GABRB1: variants seen among roughly 807,000 people sequenced by gnomAD.
GABRB1 encodes the protein gamma-aminobutyric acid receptor subunit beta-1.
Under a neutral mutation model 51.6 loss-of-function variants are expected in GABRB1, and 17 were observed. That is an observed-to-expected ratio of 0.33 (90% CI 0.23 to 0.49). The LOEUF (loss-of-function observed/expected upper bound fraction) is 0.49, where lower values mean the gene tolerates loss of function less well. Ranked by LOEUF, GABRB1 falls within the 20% of genes least tolerant of loss-of-function variation. GABRB1 has a pLI of 0.99. For synonymous variants in GABRB1, 247 were observed against 218.9 expected, an observed-to-expected ratio of 1.13 and a Z score of -1.14; for missense variants, 410 against 600.6, an observed-to-expected ratio of 0.68 and a Z score of 3.32.
chr4:47,066,267 C>T (rs1727078058), intron 3 of GABRB1, among the ~76,000 whole-genome samples: 1 of 152,166 alleles, frequency 6.6e-6, no homozygotes, highest in South Asian at 2.1e-4. Context: ...CTAAAATATG[C>T]TAATGATCAT....
At chr4:47,298,690 T>C (rs187271632) in intron 4 of GABRB1, among the ~76,000 whole-genome samples, 16 of 152,272 alleles carry the variant, frequency 1.1e-4, no homozygotes, top group African/African-American at 3.6e-4. Context: ...TTCAATGCCA[T>C]CCCCATTAAG....
intron 3 of GABRB1, among the ~76,000 whole-genome samples, chr4:47,091,047 C>T (rs982298045): frequency 6.7e-6 from 1 of 150,098 alleles, no homozygotes; most frequent in Non-Finnish European, 1.5e-5. Flanking sequence ...CCCCATCCCA[C>T]CCCTTCCCCC....
intron 4 of GABRB1, among the ~76,000 whole-genome samples, chr4:47,313,119 C>A (rs1340255003): frequency 6.6e-6 from 1 of 152,148 alleles, no homozygotes; most frequent in East Asian, 1.9e-4. Context: ...TCTGACCTAA[C>A]TTTCAAAATG....
At chr4:47,361,534 G>A (rs1726805644) in intron 5 of GABRB1, among the ~76,000 whole-genome samples, 2 of 152,110 alleles carry the variant, frequency 1.3e-5, no homozygotes, top group Admixed American at 6.6e-5. Flanking sequence ...GTGAACAGAT[G>A]TGTACTTTGA....
chr4:47,320,454 G>A (rs753700660), intron 5 of GABRB1, among the ~76,000 whole-genome samples: 1 of 152,192 alleles, frequency 6.6e-6, no homozygotes, highest in South Asian at 2.1e-4. Flanking sequence ...TCAGAACGTA[G>A]TTTCTCCCAA....
At chr4:47,297,917 G>T (rs1009818830) in intron 4 of GABRB1, among the ~76,000 whole-genome samples, 16 of 152,288 alleles carry the variant, frequency 1.1e-4, no homozygotes, top group Non-Finnish European at 2.1e-4. Flanking sequence ...TCATCCCTGG[G>T]ATGCAAGGCT....
chr4:47,262,196 A>G (rs1560303511), intron 4 of GABRB1, among the ~76,000 whole-genome samples: 1 of 151,948 alleles, frequency 6.6e-6, no homozygotes, highest in East Asian at 1.9e-4. Flanking sequence ...GACAAATGGG[A>G]TCTCATTAAA....
chr4:47,056,411 C>T (rs1185352081), intron 3 of GABRB1, among the ~76,000 whole-genome samples: 2 of 152,094 alleles, frequency 1.3e-5, no homozygotes, highest in African/African-American at 2.4e-5. Flanking sequence ...CCTTTCATAC[C>T]AAGGTTTGTG....
intron 3 of GABRB1, among the ~76,000 whole-genome samples, chr4:47,037,957 A>G (rs939749600): frequency 2.6e-5 from 4 of 152,178 alleles, no homozygotes; most frequent in Admixed American, 2.0e-4. Context: ...CTAGACTAGT[A>G]AAAAATAGCC....
intron 3 of GABRB1, among the ~76,000 whole-genome samples, chr4:47,090,633 T>C (rs1438214520): frequency 6.6e-6 from 1 of 152,194 alleles, no homozygotes; most frequent in Non-Finnish European, 1.5e-5. Context: ...TGATCCTTTC[T>C]ATTGATCTTA....
chr4:47,259,582 G>T (rs554345089), intron 4 of GABRB1, among the ~76,000 whole-genome samples: 1 of 152,144 alleles, frequency 6.6e-6, no homozygotes, highest in East Asian at 1.9e-4. Flanking sequence ...TACAAAATAG[G>T]CATTATTAAC....
chr4:47,123,326 T>C (rs977752366), intron 3 of GABRB1, among the ~76,000 whole-genome samples: 2 of 135,198 alleles, frequency 1.5e-5, no homozygotes, highest in Non-Finnish European at 3.1e-5. Context: ...ATTATATATA[T>C]TAGATAATAT....
chr4:47,160,362 A>AT (rs2109735631), intron 3 of GABRB1, among the ~76,000 whole-genome samples: 1 of 152,260 alleles, frequency 6.6e-6, no homozygotes, highest in East Asian at 1.9e-4. Context: ...AAACATCTCC[A>AT]TTTGTATGTG....
At chr4:47,348,142 T>C (rs1334317791) in intron 5 of GABRB1, among the ~76,000 whole-genome samples, 1 of 152,188 alleles carries the variant, frequency 6.6e-6, no homozygotes, top group Non-Finnish European at 1.5e-5. Context: ...CACGGTATTG[T>C]AGGTGGAGGC....
intron 5 of GABRB1, among the ~76,000 whole-genome samples, chr4:47,333,931 T>C (rs1195465869): frequency 1.3e-5 from 2 of 152,230 alleles, no homozygotes; most frequent in Admixed American, 1.3e-4. Flanking sequence ...TCCAAATCAA[T>C]TGTATTCCCA....
chr4:47,299,975 T>C (rs1724183243), intron 4 of GABRB1, among the ~76,000 whole-genome samples: 1 of 151,154 alleles, frequency 6.6e-6, no homozygotes, highest in Admixed American at 6.6e-5. Flanking sequence ...TCATTCTCAG[T>C]AAACTATCGC....
intron 4 of GABRB1, among the ~76,000 whole-genome samples, chr4:47,190,223 G>C (rs1278841324): frequency 6.6e-6 from 1 of 152,086 alleles, no homozygotes; most frequent in African/African-American, 2.4e-5. Context: ...TTAGGAAAAT[G>C]AATTAAGAAA....
intron 4 of GABRB1, among the ~76,000 whole-genome samples, chr4:47,246,380 ATATATATATATATAT>A (rs1560295794): frequency 5.8e-5 from 3 of 51,978 alleles, no homozygotes; most frequent in East Asian, 8.9e-4. Context: ...ATATATATAT[ATATATATATATATAT>A]AAAATACCAC....
chr4:47,030,612 C>T (rs566295607), upstream of GABRB1, among the ~76,000 whole-genome samples: 8 of 152,280 alleles, frequency 5.3e-5, no homozygotes, highest in African/African-American at 1.9e-4. Context: ...GAACAAACAC[C>T]TAGTCCAGGG....
Sources: allele counts gnomAD v4.1 joint callset (sites outside exome capture counted in the v4.1 genomes callset), GRCh38; gene constraint gnomAD v4.1.1; transcripts MANE v1.5; gene names NCBI Gene and HGNC (gene_info 2026-07-23, HGNC 2026-07-21).